The following PI4KA variants were observed in gnomAD, a reference collection of about 807,000 sequenced individuals.
The protein encoded by PI4KA is phosphatidylinositol 4-kinase alpha, also known as PI4-kinase alpha.
A neutral mutation model predicts 271.4 loss-of-function variants in PI4KA; 122 were observed. The observed-to-expected ratio is 0.45, with a 90% CI of 0.39 to 0.52. The LOEUF is 0.52. PI4KA is among the 20% of genes least tolerant of loss of function. The probability of loss-of-function intolerance (pLI) is 0.00; values close to 1 mark genes in which losing one functional copy is unlikely to be tolerated. For synonymous variants in PI4KA, 1,041 were observed against 1,078.8 expected (o/e 0.96, Z 0.69); for missense variants, 1,969 against 2,769.1 (o/e 0.71, Z 6.48).
chr22:20,846,929 T>C (rs1303480963), intron 1 of PI4KA, among the ~76,000 whole-genome samples: 4 of 149,928 alleles, frequency 2.7e-5, no homozygotes, highest in Non-Finnish European at 5.9e-5. Flanking sequence ...GGGTGGATCA[T>C]GAGATCAGGA....
chr22:20,751,159 G>T lies in PI4KA; in HGVS notation c.3153+134C>A, dbSNP rs1041002446. On this transcript the variant is annotated intron_variant, in intron 27 of 54. Transcript: ENST00000255882. ...GCAATGGCTTGGTCTCCTCACTGGG[G>T]GATGGGGCCAGCACCACCCACACCT... 20 of 682,862 alleles carry T rather than the reference G, an allele frequency of 2.9e-5. No homozygotes were observed. In the African/African-American group the frequency reaches 3.4e-4, roughly 12 times the overall value. The allele number at this position is 682,862 out of a possible 1,614,324, so 42.3% of individuals were successfully genotyped here. A position where few individuals can be genotyped will look rare whatever the true frequency, so the allele number is the denominator to read the frequency against.
In PI4KA at chr22:20,771,325, A is replaced by G. The variant is rs1601452063; in HGVS notation, c.2329-5632T>C. ...GTAGTCCCAGCTACTAGGGAGGCTG[A>G]GGCAGGAGAATGGCGTGAACCCAGG... On this transcript the variant is annotated intron_variant, in intron 19 of 54. Coordinates refer to ENST00000255882, the MANE Select transcript of PI4KA (RefSeq NM_058004.4). Among the ~76,000 whole-genome samples, 4 of 151,944 alleles carry G rather than the reference A, an allele frequency of 2.6e-5. 1 individual carries two copies. The South Asian group carries it at 8.3e-4, about 32-fold the overall frequency.
At chr22:20,716,702 C>T (rs1046757810) in intron 45 of PI4KA, among the ~76,000 whole-genome samples, 3 of 152,136 alleles carry the variant, frequency 2.0e-5, no homozygotes, top group African/African-American at 4.8e-5. Flanking sequence ...GTGCATGCCC[C>T]CTGCAGTACA....
chr22:20,799,836 T>G, intron 14 of PI4KA, 70 bp from the exon 15 acceptor site: 1 of 992,510 alleles, frequency 1.0e-6, no homozygotes, highest in South Asian at 1.5e-5. Flanking sequence ...TTTTAATTTT[T>G]CCTTCCTTAG....
chr22:20,795,101 T>G (rs184337036), intron 18 of PI4KA, among the ~76,000 whole-genome samples: 45 of 152,294 alleles, frequency 3.0e-4, no homozygotes, highest in African/African-American at 1.1e-3. Context: ...GAAGTAGAGA[T>G]ATGGTTGTGG....
chr22:20,843,903 G>T (rs1758638442), intron 1 of PI4KA, among the ~76,000 whole-genome samples: 1 of 151,978 alleles, frequency 6.6e-6, no homozygotes. Flanking sequence ...ATAAACCCAG[G>T]CCGCTATGTA....
Position 20,765,216 on chromosome 22 carries a change from A to G in PI4KA, c.2458T>C (p.Tyr820His), listed in dbSNP as rs1932413912. 1 of 1,612,760 alleles carries G rather than the reference A, an allele frequency of 6.2e-7. No individual in the cohort carries two copies. Among genetic ancestry groups the G allele is most frequent in the Non-Finnish European group, 8.5e-7 (1 of 1,179,392 alleles). The change falls in exon 21 of 55, where the codon TAC (tyrosine) becomes CAC (histidine). Residue 820 changes from tyrosine to histidine, a missense_variant. Coordinates refer to ENST00000255882, the MANE Select transcript of PI4KA (RefSeq NM_058004.4). ...EGSGLWPEEW[Y>H]EGVCEIATKS... ...GTGGCTATTTCACAGACCCCCTCGT[A>G]CCATTCTTCTGGCCAGAGTCCTGCA... is the stretch of plus-strand genomic sequence containing the variant.
intron 14 of PI4KA, among the ~76,000 whole-genome samples, chr22:20,800,097 T>G (rs954356555): frequency 6.6e-6 from 1 of 152,162 alleles, no homozygotes; most frequent in African/African-American, 2.4e-5. Flanking sequence ...GGTCCCAAGA[T>G]AGCATAGTAA....
chr22:20,794,097 C>T (rs1244508762), intron 18 of PI4KA, among the ~76,000 whole-genome samples: 1 of 152,234 alleles, frequency 6.6e-6, no homozygotes, highest in Non-Finnish European at 1.5e-5. Flanking sequence ...TATGTACTCA[C>T]AAAAATTTTT....
intron 32 of PI4KA, 87 bp downstream of exon 32, chr22:20,742,141 A>G: frequency 7.0e-7 from 1 of 1,426,218 alleles, no homozygotes; most frequent in African/African-American, 1.4e-5. Context: ...CAGTGTCTCC[A>G]TGCTTGGTGG....
At chr22:20,750,930 G>A (rs1224311201) in intron 27 of PI4KA, among the ~76,000 whole-genome samples, 1 of 152,234 alleles carries the variant, frequency 6.6e-6, no homozygotes, top group Non-Finnish European at 1.5e-5. Context: ...AAATGTCAGT[G>A]CACCTCAGAG....
intron 19 of PI4KA, among the ~76,000 whole-genome samples, chr22:20,788,880 C>T (rs1934445907): frequency 6.6e-6 from 1 of 152,196 alleles, no homozygotes; most frequent in Admixed American, 6.5e-5. Flanking sequence ...CTTCTCATTT[C>T]TAAATGTAAT....
intron 29 of PI4KA, 124 bp downstream of exon 29, chr22:20,747,459 A>T (rs1930239785): frequency 5.1e-6 from 5 of 983,214 alleles, no homozygotes; most frequent in Non-Finnish European, 7.4e-6. Flanking sequence ...GTCAACAGAC[A>T]TCCACAGCAC....
At chr22:20,713,448 G>C in intron 47 of PI4KA, 58 bp from the exon 48 acceptor site, 1 of 1,344,222 alleles carries the variant, frequency 7.4e-7, no homozygotes, top group Non-Finnish European at 1.0e-6. Context: ...CCCTCTGAGG[G>C]GGCCAGGGAT....
intron 22 of PI4KA, 100 bp from the exon 23 acceptor site, chr22:20,761,486 G>T: frequency 1.3e-6 from 1 of 757,770 alleles, no homozygotes; most frequent in Non-Finnish European, 2.4e-6. Context: ...AAGAACATTT[G>T]CCCTCTGTCA....
At chr22:20,822,274 C>T (rs1052512095) in intron 4 of PI4KA, among the ~76,000 whole-genome samples, 14 of 151,818 alleles carry the variant, frequency 9.2e-5, no homozygotes, top group Non-Finnish European at 1.3e-4. Context: ...CTCAAATTCC[C>T]GGGCTCAAGT....
At chr22:20,765,460 C>A in intron 20 of PI4KA, 125 bp downstream of exon 20, 1 of 771,848 alleles carries the variant, frequency 1.3e-6, no homozygotes, top group Non-Finnish European at 2.2e-6. Context: ...CTAATACTTG[C>A]AGAAAGAAGC....
At chr22:20,756,080 C>T (rs553072581) in intron 23 of PI4KA, among the ~76,000 whole-genome samples, 3 of 152,000 alleles carry the variant, frequency 2.0e-5, no homozygotes, top group Non-Finnish European at 2.9e-5. Flanking sequence ...TAAGTGGGAC[C>T]GCAGCAATTT....
At chr22:20,733,628 G>T (rs1928333648) in intron 35 of PI4KA, 108 bp downstream of exon 35, 1 of 1,577,632 alleles carries the variant, frequency 6.3e-7, no homozygotes. Context: ...GAGCACAACT[G>T]GGCAACTGTG....
Sources: allele counts gnomAD v4.1 joint callset (sites outside exome capture counted in the v4.1 genomes callset), GRCh38; gene constraint gnomAD v4.1.1; transcripts MANE v1.5; gene names NCBI Gene and HGNC (gene_info 2026-07-23, HGNC 2026-07-21).